The following UBQLN4 variants were observed in gnomAD, a reference collection of about 807,000 sequenced individuals.
The protein encoded by UBQLN4 is ubiquilin 4.
A neutral mutation model predicts 60.4 loss-of-function variants in UBQLN4; 11 were observed. That is an observed-to-expected ratio of 0.18 (90% CI 0.11 to 0.30). The LOEUF is 0.30. Among genes scored for constraint, UBQLN4 ranks in the 10% least tolerant of loss-of-function variants. UBQLN4 has a pLI of 1.00. For synonymous variants in UBQLN4, 258 were observed against 313.1 expected (o/e 0.82, Z 1.86); for missense variants, 417 against 795.5 (o/e 0.52, Z 5.72).
intron 5 of UBQLN4, among the ~76,000 whole-genome samples, chr1:156,046,268 ACC>A (rs1487399705): frequency 1.4e-5 from 2 of 147,134 alleles, no homozygotes; most frequent in Admixed American, 1.4e-4. Flanking sequence ...TGGGTGGATC[ACC>A]TGAGGTCAGG....
At chr1:156,042,997 A>T in intron 6 of UBQLN4, 84 bp from the exon 7 acceptor site, 2 of 1,517,036 alleles carry the variant, frequency 1.3e-6, no homozygotes, top group African/African-American at 1.4e-5. Context: ...ACCTTACTTC[A>T]GACACCGAAT....
Position 156,036,031 on chromosome 1 carries a change from G to C in UBQLN4, c.*947C>G, listed in dbSNP as rs544658466. The C allele has an allele frequency of 4.1e-6, 4 of 985,498 alleles. No homozygotes were observed. The South Asian group carries it at 1.9e-4, about 46-fold the overall frequency. 61.0% of individuals were successfully genotyped at this position (985,498 alleles called of 1,614,324 possible). A position where few individuals can be genotyped will look rare whatever the true frequency, so the allele number is the denominator to read the frequency against. ...GCAAGACCTGGGTCCATGGAAATGT[G>C]TGTGTGTGTGCATATAAGCACATAT... On this transcript the variant is annotated 3_prime_UTR_variant, in exon 11 of 11. Transcript: ENST00000368309.
chr1:156,036,071 A>G lies in UBQLN4; in HGVS notation c.*907T>C, dbSNP rs1368336697. On this transcript the variant is annotated 3_prime_UTR_variant, in exon 11 of 11. Coordinates refer to ENST00000368309, the MANE Select transcript of UBQLN4 (RefSeq NM_020131.5). The stretch of plus-strand genomic sequence containing the variant: ...TAAGCACATATGCTTGAGGAACTAA[A>G]GCCAATATGACCCCTTGTGGGGCGT... 1 of 985,466 alleles carries G rather than the reference A, an allele frequency of 1.0e-6. No homozygotes were observed. The highest frequency in any genetic ancestry group is 1.2e-6 in the Non-Finnish European group (1 of 829,956). The allele number at this position is 985,466 out of a possible 1,614,324, so 61.0% of individuals were successfully genotyped here.
At chr1:156,038,384 G>A (rs2102739244) in intron 10 of UBQLN4, among the ~76,000 whole-genome samples, 1 of 151,728 alleles carries the variant, frequency 6.6e-6, no homozygotes, top group Non-Finnish European at 1.5e-5. Context: ...AAACAAAAGT[G>A]CGTGGTGGCT....
chr1:156,045,708 AG>A (rs1683680056), intron 5 of UBQLN4, among the ~76,000 whole-genome samples: 1 of 152,262 alleles, frequency 6.6e-6, no homozygotes, highest in Admixed American at 6.5e-5. Flanking sequence ...TGCAGATCTG[AG>A]AACCAGCTGT....
intron 10 of UBQLN4, among the ~76,000 whole-genome samples, chr1:156,040,392 A>G (rs1683530225): frequency 6.6e-6 from 1 of 151,872 alleles, no homozygotes; most frequent in Non-Finnish European, 1.5e-5. Flanking sequence ...AAAAAAAAAA[A>G]AGAAAGCCCT....
In UBQLN4 at chr1:156,050,268, C is replaced by T. The variant is rs1683834027; in HGVS notation, c.741+23G>A. On this transcript the variant is annotated intron_variant, in intron 4 of 10. Transcript: ENST00000368309. The surrounding 1 kb of genome is among the most constrained non-coding windows in gnomAD (Gnocchi z 4.6). ...ACGGCTGGGCACCAGTGTCCTCCAG[C>T]TCTCCAGCCCTCTCATACTCACCTG... 1 of 1,534,014 alleles carries T rather than the reference C, an allele frequency of 6.5e-7. No individual in the cohort carries two copies. The highest frequency in any genetic ancestry group is 1.9e-5 in the Admixed American group (1 of 51,900).
chr1:156,034,920 G>A (rs533185169), downstream of UBQLN4, among the ~76,000 whole-genome samples: 1 of 138,832 alleles, frequency 7.2e-6, no homozygotes, highest in South Asian at 2.3e-4. Flanking sequence ...CCAGGCTGGA[G>A]TGCAGCGGCG....
chr1:156,034,871 A>ATATATATATATATATATAT (rs60215858), downstream of UBQLN4, among the ~76,000 whole-genome samples: 15 of 70,054 alleles, frequency 2.1e-4, no homozygotes, highest in South Asian at 4.7e-4. Flanking sequence ...ATATATATAT[A>ATATATATATATATATATAT]ATTTTTTTTT....
intron 6 of UBQLN4, 68 bp downstream of exon 6, chr1:156,043,930 C>T (rs1396034885): frequency 2.7e-6 from 4 of 1,508,422 alleles, no homozygotes; most frequent in African/African-American, 1.4e-5. Flanking sequence ...AGTATGAACC[C>T]CATTCAGTCC....
At chr1:156,037,945 C>T (rs1683449763) in intron 10 of UBQLN4, among the ~76,000 whole-genome samples, 1 of 152,180 alleles carries the variant, frequency 6.6e-6, no homozygotes, top group Admixed American at 6.5e-5. Flanking sequence ...CAGGGTCTTG[C>T]ACCCAGGCTG....
chr1:156,042,524 TA>T, intron 7 of UBQLN4: 1 of 1,166,050 alleles, frequency 8.6e-7, no homozygotes, highest in Non-Finnish European at 1.2e-6. Context: ...CGCCATGTTC[TA>T]AGCACTTAAC....
intron 1 of UBQLN4, 129 bp downstream of exon 1, chr1:156,053,465 C>G (rs1193684538): frequency 1.5e-6 from 1 of 646,042 alleles, no homozygotes; most frequent in East Asian, 3.8e-5. Context: ...GCCTTCAGCT[C>G]CTCGGAGTCC....
rs1683396577 is a variant in UBQLN4 at position 156,036,150 on chromosome 1, T to TA, written c.*827dup. ...TCAGTTTAAATTCCATTAGCATCTC[T>TA]AAGTCTCTTCTGCCAGCTCGGGCCT... On this transcript the variant is annotated 3_prime_UTR_variant, in exon 11 of 11. Coordinates refer to ENST00000368309, the MANE Select transcript of UBQLN4 (RefSeq NM_020131.5). The TA allele has an allele frequency of 4.1e-6, 4 of 985,628 alleles. No individual in the cohort carries two copies. The Admixed American group carries it at 2.5e-4, about 61-fold the overall frequency. 61.1% of individuals were successfully genotyped at this position (985,628 alleles called of 1,614,324 possible).
chr1:156,033,143 C>T, downstream of UBQLN4: 1 of 904,046 alleles, frequency 1.1e-6, no homozygotes, highest in Non-Finnish European at 1.3e-6. Context: ...GCTGCTGCCA[C>T]AGGAAGCAGA....
In UBQLN4 at chr1:156,040,463, T is replaced by TG. The variant is rs1172242385; in HGVS notation, c.1653+1021dup. Among the ~76,000 whole-genome samples, 399 of 106,338 alleles carry TG rather than the reference T, an allele frequency of 3.8e-3. 1 individual carries two copies. The highest frequency in any genetic ancestry group is 6.0e-3 in the Non-Finnish European group (290 of 48,198). The allele number at this position is 106,338 out of a possible 152,430, so 69.8% of individuals were successfully genotyped here. A position where few individuals can be genotyped will look rare whatever the true frequency, so the allele number is the denominator to read the frequency against. ...CACATTTTTTTTTTTTTTTTTTTTT[T>TG]GAGATGGAGTCTCGCTCTGTCACCC... On this transcript the variant is annotated intron_variant, in intron 10 of 10. Coordinates refer to ENST00000368309, the MANE Select transcript of UBQLN4 (RefSeq NM_020131.5).
rs750329101 is a variant in UBQLN4 at position 156,048,666 on chromosome 1, A to C, written c.742-7T>G. 6 of 1,610,536 alleles carry C rather than the reference A, an allele frequency of 3.7e-6. No individual in the cohort carries two copies. Among genetic ancestry groups the C allele is most frequent in the Non-Finnish European group, 5.1e-6 (6 of 1,177,112 alleles). On this transcript the variant is annotated splice_region_variant and splice_polypyrimidine_tract_variant and intron_variant, in intron 4 of 10. Transcript: ENST00000368309. The surrounding 1 kb of genome is among the most constrained non-coding windows in gnomAD (Gnocchi z 4.9). ...TCCGAGCAAGCTCCATTGTCTGATC[A>C]AGGGAGAGAGACAAAATGGGCCCCG...
intron 10 of UBQLN4, among the ~76,000 whole-genome samples, chr1:156,039,161 C>T (rs1230172508): frequency 6.7e-6 from 1 of 150,106 alleles, no homozygotes; most frequent in East Asian, 2.0e-4. Flanking sequence ...CCAGGCTGGT[C>T]TCGAACTCCT....
At position 156,035,500 on chromosome 1, in the gene UBQLN4, G is replaced by C; in HGVS notation, c.*1478C>G. On this transcript the variant is annotated 3_prime_UTR_variant, in exon 11 of 11. Transcript: ENST00000368309. ...GCTGGGCCAAGTAGGAGAGGGAAGA[G>C]GTGATATGAGCCTCCTCTGTGCTCT... The C allele has an allele frequency of 7.1e-6, 7 of 985,420 alleles. No homozygotes were observed. The highest frequency in any genetic ancestry group is 8.4e-6 in the Non-Finnish European group (7 of 829,926). 61.0% of individuals were successfully genotyped at this position (985,420 alleles called of 1,614,324 possible).
Sources: allele counts gnomAD v4.1 joint callset (sites outside exome capture counted in the v4.1 genomes callset), GRCh38; gene constraint gnomAD v4.1.1; non-coding constraint Gnocchi (gnomAD v3.1); transcripts MANE v1.5; gene names NCBI Gene and HGNC (gene_info 2026-07-23, HGNC 2026-07-21).